The following OR2L13 variants were observed in gnomAD, a reference collection of about 807,000 sequenced individuals.
OR2L13 encodes olfactory receptor 2L13.
OR2L13 carries 14 observed loss-of-function variants against 15.3 expected under a neutral mutation model. That is an observed-to-expected ratio of 0.91 (90% CI 0.60 to 1.43). OR2L13 has a LOEUF of 1.43. Among genes scored for constraint, OR2L13 ranks in the 40% most tolerant of loss-of-function variants. The pLI is 0.00. For missense variants in OR2L13, 367 were observed against 387.9 expected (o/e 0.95, Z 0.45); for synonymous variants, 152 against 142.9 (o/e 1.06, Z -0.45).
At chr1:247,993,807 G>GAGAGAGAGAGAA in the OR2L13 span, among the ~76,000 whole-genome samples, 227 of 128,976 alleles carry the variant, frequency 1.8e-3, 4 homozygotes, top group African/African-American at 2.4e-3. Flanking sequence ...GAGAGAGAGA[G>GAGAGAGAGAGAA]AGAGAAAGAA....
the OR2L13 span, among the ~76,000 whole-genome samples, chr1:248,070,370 T>C: frequency 2.6e-5 from 4 of 152,050 alleles, no homozygotes; most frequent in African/African-American, 4.8e-5. Context: ...TGCTCCTGAA[T>C]GACTACTGGG....
chr1:248,024,792 C>A, the OR2L13 span, among the ~76,000 whole-genome samples: 1 of 152,168 alleles, frequency 6.6e-6, no homozygotes, highest in Non-Finnish European at 1.5e-5. Flanking sequence ...CAGTACCACG[C>A]TGTTTTGGTT....
At chr1:247,974,870 C>T in the OR2L13 span, 41 of 243,828 alleles carry the variant, frequency 1.7e-4, no homozygotes, top group South Asian at 2.6e-3. Context: ...GCAATCAGTC[C>T]GTGATCCTTC....
chr1:247,966,988 TG>T, the OR2L13 span, among the ~76,000 whole-genome samples: 46 of 151,672 alleles, frequency 3.0e-4, no homozygotes, highest in Admixed American at 9.2e-4. Context: ...TATCTATTGA[TG>T]TGACTCTTTT....
the OR2L13 span, among the ~76,000 whole-genome samples, chr1:248,046,344 A>G: frequency 6.6e-6 from 1 of 152,164 alleles, no homozygotes; most frequent in Non-Finnish European, 1.5e-5. Context: ...ACCTCATTCT[A>G]TTTTAGTGGT....
chr1:248,094,354 T>C (rs910355247), upstream of OR2L13, among the ~76,000 whole-genome samples: 1 of 152,240 alleles, frequency 6.6e-6, no homozygotes, highest in African/African-American at 2.4e-5. Context: ...AGTGTTCTTT[T>C]CTAGTTAACC....
the OR2L13 span, among the ~76,000 whole-genome samples, chr1:248,059,134 A>G: frequency 6.6e-6 from 1 of 152,096 alleles, no homozygotes. Context: ...GAGTATGATC[A>G]TGTGTGATTA....
chr1:247,991,084 C>A, the OR2L13 span: 1 of 1,591,354 alleles, frequency 6.3e-7, no homozygotes, highest in South Asian at 1.1e-5. Flanking sequence ...GGACAAGGTT[C>A]TGGCTGTCTT....
the OR2L13 span, among the ~76,000 whole-genome samples, chr1:247,978,286 C>T: frequency 1.3e-5 from 2 of 152,172 alleles, no homozygotes; most frequent in African/African-American, 4.8e-5. Flanking sequence ...TCTGCTGCAA[C>T]TCCCACTGTT....
the OR2L13 span, among the ~76,000 whole-genome samples, chr1:247,978,508 A>C: frequency 6.6e-6 from 1 of 152,230 alleles, no homozygotes; most frequent in South Asian, 2.1e-4. Context: ...GTCATTATGC[A>C]TTTCATGTGC....
At chr1:247,968,793 T>C in the OR2L13 span, among the ~76,000 whole-genome samples, 1,174 of 149,342 alleles carry the variant, frequency 7.9e-3, 13 homozygotes, top group African/African-American at 0.023. Context: ...TGAATGGTGC[T>C]GCAATAAACA....
the OR2L13 span, among the ~76,000 whole-genome samples, chr1:247,953,049 A>G: frequency 6.6e-6 from 1 of 152,314 alleles, no homozygotes; most frequent in African/African-American, 2.4e-5. Context: ...CTTCACTTAG[A>G]GGCCACTCCT....
chr1:248,069,627 T>C, the OR2L13 span, among the ~76,000 whole-genome samples: 1 of 152,092 alleles, frequency 6.6e-6, no homozygotes, highest in Admixed American at 6.6e-5. Context: ...CATAACAATA[T>C]TAACTTTAAA....
chr1:248,063,549 A>T, the OR2L13 span: 1 of 152,134 alleles, frequency 6.6e-6, no homozygotes, highest in South Asian at 2.1e-4. Flanking sequence ...CCTGATATTC[A>T]CTCAGCTAGG....
the OR2L13 span, among the ~76,000 whole-genome samples, chr1:247,975,998 TAATA>T: frequency 6.6e-6 from 1 of 152,164 alleles, no homozygotes; most frequent in South Asian, 2.1e-4. Context: ...AAGACAAAAA[TAATA>T]AATTATTTAA....
At chr1:248,000,717 G>A in the OR2L13 span, among the ~76,000 whole-genome samples, 2 of 151,946 alleles carry the variant, frequency 1.3e-5, no homozygotes, top group South Asian at 2.1e-4. Context: ...GACAGAAAAT[G>A]TCTTTCATTT....
upstream of OR2L13, among the ~76,000 whole-genome samples, chr1:248,096,622 A>G (rs1325254824): frequency 6.6e-6 from 1 of 152,162 alleles, no homozygotes; most frequent in Admixed American, 6.5e-5. Flanking sequence ...GTTGTCCTAT[A>G]CGTTGTTGAG....
At chr1:248,012,801 A>T in the OR2L13 span, among the ~76,000 whole-genome samples, 5 of 152,280 alleles carry the variant, frequency 3.3e-5, no homozygotes, top group East Asian at 3.9e-4. Context: ...GTATCAATTA[A>T]TTAAATAAAT....
At chr1:248,076,966 T>C in the OR2L13 span, among the ~76,000 whole-genome samples, 3 of 152,200 alleles carry the variant, frequency 2.0e-5, no homozygotes, top group Non-Finnish European at 4.4e-5. Flanking sequence ...CAATATGATA[T>C]TGGCTGTGGG....
Sources: gnomAD v4.1 joint callset for allele counts (sites outside exome capture counted in the v4.1 genomes callset) on GRCh38, gnomAD v4.1.1 for gene constraint, MANE v1.5 for transcripts, NCBI Gene and HGNC (gene_info 2026-07-23, HGNC 2026-07-21) for gene names.